The following METAP1 variants were observed in gnomAD, a reference collection of about 807,000 sequenced individuals.
METAP1 encodes methionine aminopeptidase 1.
Under a neutral mutation model 53.8 loss-of-function variants are expected in METAP1, and 28 were observed. The observed-to-expected ratio is 0.52, with a 90% CI of 0.39 to 0.71. The LOEUF (loss-of-function observed/expected upper bound fraction) is 0.71. Ranked by LOEUF, METAP1 falls within the 30% of genes least tolerant of loss-of-function variation. METAP1 has a pLI of 0.00. For synonymous variants in METAP1, 181 were observed against 165.7 expected (o/e 1.09, Z -0.71); for missense variants, 389 against 479.8 (o/e 0.81, Z 1.77).
chr4:99,007,371 A>G (rs11935772), intron 1 of METAP1, among the ~76,000 whole-genome samples: 2 of 152,162 alleles, frequency 1.3e-5, no homozygotes, highest in African/African-American at 4.8e-5. Flanking sequence ...TTGATTGCAC[A>G]GGTACTTTTT....
chr4:99,045,360 C>A, intron 8 of METAP1, 50 bp downstream of exon 8: 1 of 1,600,352 alleles, frequency 6.2e-7, no homozygotes, highest in Non-Finnish European at 8.5e-7. Context: ...GTTGATGGGC[C>A]AAGAATGACT....
chr4:99,037,190 A>G (rs1484712983), intron 4 of METAP1, among the ~76,000 whole-genome samples: 1 of 151,710 alleles, frequency 6.6e-6, no homozygotes, highest in South Asian at 2.1e-4. Flanking sequence ...ATATTGATTT[A>G]TAAATGTTCT....
intron 8 of METAP1, among the ~76,000 whole-genome samples, chr4:99,046,752 T>C (rs1726271505): frequency 6.6e-6 from 1 of 152,244 alleles, no homozygotes. Context: ...AGGTGAAATT[T>C]TGAAAACTTA....
At chr4:99,026,333 A>G in intron 1 of METAP1, 1 of 985,436 alleles carries the variant, frequency 1.0e-6, no homozygotes, top group Non-Finnish European at 1.2e-6. Flanking sequence ...ATAAAGTAGT[A>G]AAACAAAGTG....
intron 1 of METAP1, chr4:99,023,556 G>A (rs763550628): frequency 1.3e-4 from 132 of 981,720 alleles, no homozygotes; most frequent in Admixed American, 1.8e-4. Flanking sequence ...TGGTGGAAAA[G>A]AGAGAGAGGT....
chr4:99,033,952 T>A (rs377445171), intron 2 of METAP1, among the ~76,000 whole-genome samples: 19 of 152,198 alleles, frequency 1.2e-4, no homozygotes, highest in African/African-American at 4.6e-4. Flanking sequence ...TTGTTCGATA[T>A]TATGTAAAAA....
chr4:99,051,715 C>G (rs1207753869), intron 9 of METAP1, among the ~76,000 whole-genome samples: 2 of 151,844 alleles, frequency 1.3e-5, no homozygotes, highest in African/African-American at 4.8e-5. Context: ...TATGAAGAGT[C>G]ACATTTATGT....
chr4:99,034,748 A>G (rs1013265975), intron 3 of METAP1, among the ~76,000 whole-genome samples: 19 of 152,204 alleles, frequency 1.2e-4, no homozygotes, highest in African/African-American at 4.6e-4. Context: ...TTGTGCGTCA[A>G]CAGATGCAGA....
intron 1 of METAP1, among the ~76,000 whole-genome samples, chr4:99,001,094 C>T (rs1722903368): frequency 6.6e-6 from 1 of 152,176 alleles, no homozygotes; most frequent in African/African-American, 2.4e-5. Flanking sequence ...GCAACCCTGC[C>T]CTCTGAAACT....
intron 1 of METAP1, among the ~76,000 whole-genome samples, chr4:99,007,341 C>G (rs1723223646): frequency 6.6e-6 from 1 of 152,160 alleles, no homozygotes; most frequent in Non-Finnish European, 1.5e-5. Context: ...GCTGGTGGTT[C>G]TGTTCCTAGC....
At chr4:99,042,762 A>G (rs529771316) in intron 6 of METAP1, among the ~76,000 whole-genome samples, 21 of 152,106 alleles carry the variant, frequency 1.4e-4, no homozygotes, top group Non-Finnish European at 3.1e-4. Flanking sequence ...TAATATTTAT[A>G]TATATATTTG....
intron 10 of METAP1, among the ~76,000 whole-genome samples, chr4:99,060,358 TGC>T (rs1491136042): frequency 7.5e-6 from 1 of 132,830 alleles, no homozygotes; most frequent in Non-Finnish European, 1.6e-5. Context: ...ATTAAGCACA[TGC>T]TTTTTTTTTT....
At chr4:99,012,316 G>T (rs182091996) in intron 1 of METAP1, among the ~76,000 whole-genome samples, 12 of 147,492 alleles carry the variant, frequency 8.1e-5, no homozygotes, top group Non-Finnish European at 1.8e-4. Context: ...TGTCACCCAG[G>T]CTGGAGTGAG....
intron 1 of METAP1, chr4:99,022,589 C>A: frequency 1.5e-6 from 1 of 661,352 alleles, no homozygotes; most frequent in South Asian, 1.9e-5. Context: ...AAGATGGTCT[C>A]ACACTTGGCC....
chr4:99,046,878 C>T (rs1726282017), intron 8 of METAP1, among the ~76,000 whole-genome samples: 1 of 130,044 alleles, frequency 7.7e-6, no homozygotes, highest in South Asian at 2.4e-4. Flanking sequence ...GAGTTTCTGC[C>T]AGATAATATA....
intron 5 of METAP1, among the ~76,000 whole-genome samples, chr4:99,039,895 T>C (rs1043330027): frequency 6.6e-6 from 1 of 151,548 alleles, no homozygotes; most frequent in Non-Finnish European, 1.5e-5. Flanking sequence ...CCTGGCCTTT[T>C]TTTGTATTTT....
At position 99,056,888 on chromosome 4, in the gene METAP1, A is replaced by T. The variant is rs553960822; in HGVS notation, c.932-865A>T. Among the ~76,000 whole-genome samples the T allele has an allele frequency of 2.0e-5, 3 of 151,516 alleles. No individual in the cohort carries two copies. In the South Asian group the frequency reaches 6.3e-4, roughly 32 times the overall value. On this transcript the variant is annotated intron_variant, in intron 9 of 10. Transcript: ENST00000296411. ...CCGGCCTTGTTTTTATTTTTGAGAG[A>T]GTCTTGCTCAATCGCCCAGGCTGGA...
At chr4:99,034,686 C>T (rs573391809) in intron 3 of METAP1, among the ~76,000 whole-genome samples, 1 of 152,128 alleles carries the variant, frequency 6.6e-6, no homozygotes, top group Non-Finnish European at 1.5e-5. Flanking sequence ...CATATAGTTA[C>T]GAAAATCCAC....
chr4:99,012,658 T>TG (rs960595034), intron 1 of METAP1, among the ~76,000 whole-genome samples: 1 of 149,426 alleles, frequency 6.7e-6, no homozygotes, highest in Non-Finnish European at 1.5e-5. Flanking sequence ...TAAAGTTTTT[T>TG]TTTTTTTTTT....
Sources: allele counts gnomAD v4.1 joint callset (sites outside exome capture counted in the v4.1 genomes callset), GRCh38; gene constraint gnomAD v4.1.1; transcripts MANE v1.5; gene names NCBI Gene and HGNC (gene_info 2026-07-23, HGNC 2026-07-21).